Variants in FAM180A observed in about 807,000 individuals in gnomAD.
FAM180A encodes the protein protein FAM180A.
A neutral mutation model predicts 15.3 loss-of-function variants in FAM180A; 14 were observed. The ratio of observed to expected loss-of-function variants is 0.92; its 90% CI spans 0.61 to 1.43. The LOEUF (loss-of-function observed/expected upper bound fraction) is 1.43, where lower values mean the gene tolerates loss of function less well. Among genes scored for constraint, FAM180A ranks in the 40% most tolerant of loss-of-function variants. The pLI is 0.00. For synonymous variants in FAM180A, 90 were observed against 96.8 expected, an observed-to-expected ratio of 0.93 and a Z score of 0.41; for missense variants, 200 against 220.8, an observed-to-expected ratio of 0.91 and a Z score of 0.60.
rs1007003025 is a variant in FAM180A at position 135,740,949 on chromosome 7, TAAAAA to T, written c.77-3755_77-3751del. On this transcript the variant is annotated intron_variant, in intron 1 of 3. Coordinates refer to ENST00000338588, the MANE Select transcript of FAM180A (RefSeq NM_205855.4). The stretch of plus-strand genomic sequence containing the variant: ...TGCCAAATTAAAGGTATTATTCCCT[TAAAAA>T]AAAACAAAACAAAACAAAACAAAAA... Among the ~76,000 whole-genome samples the T allele has an allele frequency of 1.6e-4, 9 of 55,608 alleles. No individual in the cohort carries two copies. In the East Asian group the frequency reaches 7.4e-3, roughly 46 times the overall value. The allele number at this position is 55,608 out of a possible 152,430, so 36.5% of individuals were successfully genotyped here. A position where few individuals can be genotyped will look rare whatever the true frequency, so the allele number is the denominator to read the frequency against.
At position 135,729,803 on chromosome 7, in the gene FAM180A, TC is replaced by T; in HGVS notation, c.*807del. 1 of 950,778 alleles carries T rather than the reference TC, an allele frequency of 1.1e-6. No homozygotes were observed. The highest frequency in any genetic ancestry group is 1.3e-6 in the Non-Finnish European group (1 of 799,316). 58.9% of individuals were successfully genotyped at this position (950,778 alleles called of 1,614,324 possible). A position where few individuals can be genotyped will look rare whatever the true frequency, so the allele number is the denominator to read the frequency against. ...TATGAGGTATCTTAAGTAGTCAGAC[TC>T]TCAAAAACAGAAAGCAGAATAATGG... On this transcript the variant is annotated 3_prime_UTR_variant, in exon 4 of 4. Coordinates refer to ENST00000338588, the MANE Select transcript of FAM180A (RefSeq NM_205855.4).
chr7:135,731,037 A>G (rs945457166), intron 3 of FAM180A, among the ~76,000 whole-genome samples: 2 of 151,924 alleles, frequency 1.3e-5, no homozygotes, highest in Non-Finnish European at 2.9e-5. Flanking sequence ...TGCTGGGTGA[A>G]TGTTCCTGGG....
At chr7:135,744,684 C>T (rs538040844) in intron 1 of FAM180A, among the ~76,000 whole-genome samples, 18 of 152,242 alleles carry the variant, frequency 1.2e-4, no homozygotes, top group Admixed American at 2.6e-4. Flanking sequence ...ATATGCAGAG[C>T]GGATGAATGA....
chr7:135,748,566 C>T lies in FAM180A; in HGVS notation c.15G>A (p.Met5Ile). MHWK[M>I]LLLLLLYYNA... ...TGTAATACAACAGCAGAAGCAGCAA[C>T]ATCTTCCAATGCATCTTGTCCTTCA... The change falls in exon 1 of 4, where the codon ATG becomes ATA. Residue 5 changes from methionine (M) to isoleucine (I), a missense_variant. Met to Ile is a conservative substitution (Grantham distance 10). Transcript: ENST00000338588. The T allele has an allele frequency of 1.9e-6, 3 of 1,614,072 alleles. No homozygotes were observed. The highest frequency in any genetic ancestry group is 2.5e-6 in the Non-Finnish European group (3 of 1,179,910).
intron 1 of FAM180A, among the ~76,000 whole-genome samples, chr7:135,746,910 G>T (rs762611918): frequency 1.3e-5 from 2 of 152,170 alleles, no homozygotes; most frequent in African/African-American, 2.4e-5. Flanking sequence ...GAGCAGCCTG[G>T]CCAACATGGT....
Position 135,737,204 on chromosome 7 carries a change from A to C in FAM180A, c.77-5T>G. 6.3e-7 allele frequency: 1 copy of C among 1,586,428 alleles called. No individual in the cohort carries two copies. Among genetic ancestry groups the C allele is most frequent in the Non-Finnish European group, 8.6e-7 (1 of 1,168,552 alleles). ...GGGCGGCAGGGAAGAGCACAGCTGA[A>C]AGAAAGAAAACAGTGAGTTCCTGGC... On this transcript the variant is annotated splice_region_variant and splice_polypyrimidine_tract_variant and intron_variant, in intron 1 of 3. Transcript: ENST00000338588.
intron 2 of FAM180A, among the ~76,000 whole-genome samples, chr7:135,734,891 T>G (rs1363074878): frequency 1.3e-5 from 2 of 152,148 alleles, no homozygotes; most frequent in East Asian, 3.8e-4. Flanking sequence ...TTACTGATTT[T>G]CTGTTTTTTG....
intron 1 of FAM180A, among the ~76,000 whole-genome samples, chr7:135,738,676 A>G (rs6946136): frequency 0.29 from 44,844 of 152,122 alleles, 7,596 homozygotes; most frequent in Middle Eastern, 0.43. Flanking sequence ...CAGAGGGTAT[A>G]GGAATGATCA....
At chr7:135,740,920 T>A (rs1386327175) in intron 1 of FAM180A, among the ~76,000 whole-genome samples, 4 of 151,646 alleles carry the variant, frequency 2.6e-5, no homozygotes, top group Admixed American at 2.6e-4. Flanking sequence ...AATTTATCTC[T>A]TATTGCCAAA....
chr7:135,739,215 C>A (rs1210867281), intron 1 of FAM180A, among the ~76,000 whole-genome samples: 1 of 147,868 alleles, frequency 6.8e-6, no homozygotes, highest in South Asian at 2.1e-4. Context: ...GAGGCTGAGG[C>A]AGGAGAATTG....
In FAM180A at chr7:135,734,156, T is replaced by A. The variant is rs750974948; in HGVS notation, c.341A>T (p.His114Leu). 2.5e-6 allele frequency: 4 copies of A among 1,614,110 alleles called. No homozygotes were observed. Among genetic ancestry groups the A allele is most frequent in the East Asian group, 2.2e-5 (1 of 44,876 alleles). ...GTCTTCTTTCTTGAGGATGCCAGGG[T>A]GGCTGGAGAGGCTGGCGCTGAGCCG... ...IRRLSASLSS[H>L]PGILKKEDFE... The change falls in exon 3 of 4, where the codon CAC becomes CTC. Residue 114 changes from histidine (H) to leucine (L), a missense_variant. Coordinates refer to ENST00000338588, the MANE Select transcript of FAM180A (RefSeq NM_205855.4).
chr7:135,736,970 C>A, intron 2 of FAM180A, 129 bp downstream of exon 2: 1 of 718,216 alleles, frequency 1.4e-6, no homozygotes, highest in South Asian at 1.6e-5. Flanking sequence ...ACAAATTAGG[C>A]TATTCCCTAC....
chr7:135,731,537 A>G (rs1005096752), intron 3 of FAM180A, among the ~76,000 whole-genome samples: 2 of 151,784 alleles, frequency 1.3e-5, no homozygotes, highest in Non-Finnish European at 2.9e-5. Context: ...ACCAACTAAA[A>G]TAAAAGAAAG....
At chr7:135,737,557 A>T (rs1796889555) in intron 1 of FAM180A, among the ~76,000 whole-genome samples, 2 of 142,102 alleles carry the variant, frequency 1.4e-5, no homozygotes, top group South Asian at 4.5e-4. Context: ...ATTGCACTCC[A>T]GCCTGGGCAA....
intron 1 of FAM180A, 22 bp from the exon 2 acceptor site, chr7:135,737,221 G>C: frequency 6.5e-7 from 1 of 1,547,268 alleles, no homozygotes; most frequent in South Asian, 1.2e-5. Context: ...AAAACAGTGA[G>C]TTCCTGGCTG....
chr7:135,741,285 G>A (rs1193476674), intron 1 of FAM180A, among the ~76,000 whole-genome samples: 2 of 152,202 alleles, frequency 1.3e-5, no homozygotes, highest in Non-Finnish European at 2.9e-5. Context: ...AATATAGTTT[G>A]ATGGAGACTT....
intron 1 of FAM180A, among the ~76,000 whole-genome samples, chr7:135,740,499 C>G (rs1308723733): frequency 1.3e-5 from 2 of 152,176 alleles, no homozygotes; most frequent in East Asian, 3.9e-4. Flanking sequence ...AGACCACACT[C>G]CAGGCCAATT....
chr7:135,748,489 A>T lies in FAM180A; in HGVS notation c.76+16T>A. 1 of 1,608,648 alleles carries T rather than the reference A, an allele frequency of 6.2e-7. No individual in the cohort carries two copies. The highest frequency in any genetic ancestry group is 8.5e-7 in the Non-Finnish European group (1 of 1,175,210). ...TAATGAGCATCAAACAAACAAATGA[A>T]TAAAAAGCAACTCACCCCTGCTCCA... On this transcript the variant is annotated intron_variant, in intron 1 of 3. Coordinates refer to ENST00000338588, the MANE Select transcript of FAM180A (RefSeq NM_205855.4).
At chr7:135,736,208 A>C (rs1284553903) in intron 2 of FAM180A, among the ~76,000 whole-genome samples, 1 of 151,640 alleles carries the variant, frequency 6.6e-6, no homozygotes, top group East Asian at 1.9e-4. Context: ...TTTTTAGTAG[A>C]GATGGGGTTT....
Sources: gnomAD v4.1 joint callset for allele counts (sites outside exome capture counted in the v4.1 genomes callset) on GRCh38, gnomAD v4.1.1 for gene constraint, MANE v1.5 for transcripts, NCBI Gene and HGNC (gene_info 2026-07-23, HGNC 2026-07-21) for gene names.